Variants in PLEKHA6 observed in about 807,000 individuals in gnomAD.
PLEKHA6 encodes pleckstrin homology domain containing A6.
A neutral mutation model predicts 116.7 loss-of-function variants in PLEKHA6; 60 were observed. The observed-to-expected ratio is 0.51, with a 90% CI of 0.42 to 0.64. PLEKHA6 has a LOEUF of 0.64. PLEKHA6 is among the 30% of genes least tolerant of loss of function. The pLI is 0.00. For missense variants in PLEKHA6, 1,338 were observed against 1,422.7 expected, an observed-to-expected ratio of 0.94 and a Z score of 0.96; for synonymous variants, 489 against 556.1, an observed-to-expected ratio of 0.88 and a Z score of 1.70.
At chr1:204,225,848 T>A (rs926164716) in intron 21 of PLEKHA6, among the ~76,000 whole-genome samples, 11 of 152,200 alleles carry the variant, frequency 7.2e-5, no homozygotes, top group African/African-American at 2.4e-4. Context: ...AATGCATGAA[T>A]CTACAAACAT....
intron 1 of PLEKHA6, among the ~76,000 whole-genome samples, chr1:204,288,257 T>C (rs866777492): frequency 1.3e-5 from 2 of 152,194 alleles, no homozygotes; most frequent in African/African-American, 4.8e-5. Context: ...ACCCCTTCAG[T>C]GCTGGGTTGC....
In PLEKHA6 at chr1:204,244,856, C is replaced by T. The variant is rs746608113; in HGVS notation, c.2172+8G>A. On this transcript the variant is annotated splice_region_variant and intron_variant, in intron 15 of 22. Transcript: ENST00000272203. ...CCCACCTACCTTCTACTCCATTTCTCAACTTACCTCGTTGGAGCCAGGCTT... is the reference window on the plus strand; with the variant it reads ...CCCACCTACCTTCTACTCCATTTCTTAACTTACCTCGTTGGAGCCAGGCTT... 11 of 1,563,320 alleles carry T rather than the reference C, an allele frequency of 7.0e-6. No individual in the cohort carries two copies. Among genetic ancestry groups the T allele is most frequent in the Non-Finnish European group, 9.5e-6 (11 of 1,153,142 alleles).
chr1:204,253,458 C>A (rs377218626), intron 9 of PLEKHA6, among the ~76,000 whole-genome samples: 1 of 152,150 alleles, frequency 6.6e-6, no homozygotes, highest in Non-Finnish European at 1.5e-5. Flanking sequence ...GGGGGCGAAG[C>A]CTACAGTGAG....
intron 17 of PLEKHA6, among the ~76,000 whole-genome samples, chr1:204,234,484 A>G (rs1208225433): frequency 5.3e-5 from 8 of 152,212 alleles, no homozygotes; most frequent in Non-Finnish European, 7.3e-5. Context: ...GACTCTGAAC[A>G]CTGACTTTTG....
chr1:204,324,337 A>C (rs1170708280), intron 1 of PLEKHA6, among the ~76,000 whole-genome samples: 1 of 152,150 alleles, frequency 6.6e-6, no homozygotes, highest in Non-Finnish European at 1.5e-5. Flanking sequence ...AGGGTTTGTC[A>C]CTGGGCACAA....
At chr1:204,330,698 C>A (rs938769018) in intron 1 of PLEKHA6, among the ~76,000 whole-genome samples, 1 of 152,160 alleles carries the variant, frequency 6.6e-6, no homozygotes, top group Non-Finnish European at 1.5e-5. Flanking sequence ...CCCCTCAGAG[C>A]CTTTGACAGA....
chr1:204,228,293 C>A lies in PLEKHA6; in HGVS notation c.2886-65G>T, dbSNP rs1571741037. The A allele has an allele frequency of 2.0e-6, 3 of 1,491,528 alleles. No homozygotes were observed. Among genetic ancestry groups the A allele is most frequent in the South Asian group, 2.6e-5 (2 of 75,964 alleles). 92.4% of individuals were successfully genotyped at this position (1,491,528 alleles called of 1,614,324 possible). On this transcript the variant is annotated intron_variant, in intron 20 of 22. Transcript: ENST00000272203. The surrounding 1 kb of genome is among the most constrained non-coding windows in gnomAD (Gnocchi z 4.0). The stretch of plus-strand genomic sequence containing the variant: ...GGATGGTCCAAGTGGCTTGAGGGGG[C>A]CTGCGGACTGAGGTTGGCAGGGAGG...
At chr1:204,307,961 A>C in intron 1 of PLEKHA6, 1 of 875,042 alleles carries the variant, frequency 1.1e-6, no homozygotes, top group Non-Finnish European at 1.4e-6. Context: ...CATATTAGGG[A>C]ATATTCTCCT....
In PLEKHA6 at chr1:204,243,118, C is replaced by T. The variant is rs183894354; in HGVS notation, c.2173-1304G>A. On this transcript the variant is annotated intron_variant, in intron 15 of 22. Transcript: ENST00000272203. ...GGACCCAAGGGTGATGGGTACCTGCCCCCTGGCTGTCTCGCCACTGCGGTG... is the reference window on the plus strand; with the variant it reads ...GGACCCAAGGGTGATGGGTACCTGCTCCCTGGCTGTCTCGCCACTGCGGTG... 4.2e-4 allele frequency: 168 copies of T among 399,342 alleles called. 1 individual carries two copies. The highest frequency in any genetic ancestry group is 5.7e-4 in the Non-Finnish European group (129 of 226,290). The allele number at this position is 399,342 out of a possible 1,614,324, so 24.7% of individuals were successfully genotyped here.
chr1:204,239,932 T>C (rs1349444153), intron 17 of PLEKHA6, among the ~76,000 whole-genome samples: 1 of 152,230 alleles, frequency 6.6e-6, no homozygotes, highest in African/African-American at 2.4e-5. Context: ...CATGACATTA[T>C]GTTCTGCTGG....
chr1:204,344,483 C>A (rs935292276), intron 1 of PLEKHA6, among the ~76,000 whole-genome samples: 58 of 151,594 alleles, frequency 3.8e-4, no homozygotes, highest in African/African-American at 1.0e-3. Flanking sequence ...ACCTGTAATC[C>A]CAGCTGCTCC....
At position 204,234,976 on chromosome 1, in the gene PLEKHA6, A is replaced by AAC. The variant is rs1661761261; in HGVS notation, c.2410-4391_2410-4390insGT. Among the ~76,000 whole-genome samples, 12 of 96,544 alleles carry AAC rather than the reference A, an allele frequency of 1.2e-4. 1 individual carries two copies. The highest frequency in any genetic ancestry group is 5.1e-4 in the African/African-American group (11 of 21,594). 63.3% of individuals were successfully genotyped at this position (96,544 alleles called of 152,430 possible). Reference sequence around the variant, plus strand: ...CCTTTATATATATATATATATATATATATATATATATATATATATATATAT... The same window carrying AAC: ...CCTTTATATATATATATATATATATAACTATATATATATATATATATATATAT... On this transcript the variant is annotated intron_variant, in intron 17 of 22. Coordinates refer to ENST00000272203, the MANE Select transcript of PLEKHA6 (RefSeq NM_014935.5).
chr1:204,250,582 G>A lies in PLEKHA6; in HGVS notation c.1557C>T (p.Ser519=), dbSNP rs373267338. ...GCTCGTTTAACTTGTAGGTGTGGAG[G>A]CTGTCCCGGAACACTTCTGGGTATG... ...VPPYPEVFRD[S]LHTYKLNEQD... Residue 519 remains serine, a synonymous_variant, in exon 10 of 23, where the codon AGC becomes AGT. Coordinates refer to ENST00000272203, the MANE Select transcript of PLEKHA6 (RefSeq NM_014935.5). 1.5e-5 allele frequency: 24 copies of A among 1,612,896 alleles called. No homozygotes were observed. Among genetic ancestry groups the A allele is most frequent in the African/African-American group, 5.3e-5 (4 of 74,870 alleles).
intron 10 of PLEKHA6, among the ~76,000 whole-genome samples, chr1:204,249,882 C>G (rs1664302230): frequency 6.6e-6 from 1 of 152,160 alleles, no homozygotes; most frequent in African/African-American, 2.4e-5. Context: ...TAGTCCGCAC[C>G]TTTATTCATG....
chr1:204,306,842 TA>T (rs1323191809), intron 1 of PLEKHA6, among the ~76,000 whole-genome samples: 3 of 151,924 alleles, frequency 2.0e-5, no homozygotes, highest in East Asian at 3.9e-4. Context: ...CATCTAAAAT[TA>T]AAAAAACAAG....
At chr1:204,288,331 C>T (rs1254964778) in intron 1 of PLEKHA6, among the ~76,000 whole-genome samples, 2 of 152,202 alleles carry the variant, frequency 1.3e-5, no homozygotes, top group Non-Finnish European at 1.5e-5. Context: ...GAGAAAGTAG[C>T]AACTCCCACC....
intron 1 of PLEKHA6, among the ~76,000 whole-genome samples, chr1:204,312,204 T>C (rs1180025095): frequency 6.6e-6 from 1 of 152,212 alleles, no homozygotes; most frequent in Non-Finnish European, 1.5e-5. Context: ...AGTCCAAGGC[T>C]TCCATGACAG....
intron 1 of PLEKHA6, among the ~76,000 whole-genome samples, chr1:204,299,030 T>C (rs1231092055): frequency 1.3e-5 from 2 of 152,206 alleles, no homozygotes; most frequent in East Asian, 3.9e-4. Flanking sequence ...TTCTAGTCCA[T>C]TCTTGTGATC....
At chr1:204,337,661 G>C (rs1355844857) in intron 1 of PLEKHA6, among the ~76,000 whole-genome samples, 1 of 152,240 alleles carries the variant, frequency 6.6e-6, no homozygotes, top group East Asian at 1.9e-4. Context: ...CCTCCGGGGT[G>C]ACTGGAGACC....
Sources: gnomAD v4.1 joint callset for allele counts (sites outside exome capture counted in the v4.1 genomes callset) on GRCh38, gnomAD v4.1.1 for gene constraint, Gnocchi (gnomAD v3.1) non-coding constraint, MANE v1.5 for transcripts, NCBI Gene and HGNC (gene_info 2026-07-23, HGNC 2026-07-21) for gene names.